Variants in TPRG1 observed in about 807,000 individuals in gnomAD.
The protein encoded by TPRG1 is tumor protein p63 regulated 1.
A neutral mutation model predicts 29.3 loss-of-function variants in TPRG1; 29 were observed. The observed-to-expected ratio is 0.99, with a 90% confidence interval of 0.74 to 1.35. TPRG1 has a LOEUF of 1.35. Ranked by LOEUF, TPRG1 falls within the 40% of genes most tolerant of loss-of-function variation. The probability of loss-of-function intolerance (pLI) is 0.00; values close to 1 mark genes in which losing one functional copy is unlikely to be tolerated. For synonymous variants in TPRG1, 130 were observed against 116.8 expected (o/e 1.11, Z -0.73); for missense variants, 327 against 335.0 (o/e 0.98, Z 0.19).
chr3:189,004,013 C>T (rs1409055684), intron 2 of TPRG1, among the ~76,000 whole-genome samples: 2 of 152,022 alleles, frequency 1.3e-5, no homozygotes, highest in Admixed American at 6.6e-5. Context: ...GAGTAAAACT[C>T]GGTGAAAATA....
At chr3:189,124,967 A>G (rs531226670) in intron 1 of TPRG1, among the ~76,000 whole-genome samples, 24 of 152,354 alleles carry the variant, frequency 1.6e-4, no homozygotes, top group Non-Finnish European at 8.8e-5. Flanking sequence ...AGATCTTGCA[A>G]TGAGATCTTA....
At chr3:189,042,587 T>C (rs849010) in intron 4 of TPRG1, among the ~76,000 whole-genome samples, 137,856 of 151,584 alleles carry the variant, frequency 0.91, 63,017 homozygotes, top group Non-Finnish European at 0.95. Context: ...TGTGTGGATC[T>C]CTGGGCTAGC....
At chr3:189,101,632 T>G (rs1359959355) in intron 1 of TPRG1, among the ~76,000 whole-genome samples, 1 of 152,084 alleles carries the variant, frequency 6.6e-6, no homozygotes, top group Non-Finnish European at 1.5e-5. Flanking sequence ...TTTCAGAAAC[T>G]TCAGGATCTC....
intron 1 of TPRG1, among the ~76,000 whole-genome samples, chr3:189,107,024 T>C (rs1719908305): frequency 6.6e-6 from 1 of 151,950 alleles, no homozygotes; most frequent in Non-Finnish European, 1.5e-5. Context: ...TTGGAAAAAA[T>C]AGCATTTGTT....
intron 5 of TPRG1, among the ~76,000 whole-genome samples, chr3:189,160,402 A>C (rs1002487141): frequency 6.6e-6 from 1 of 152,180 alleles, no homozygotes; most frequent in Non-Finnish European, 1.5e-5. Context: ...CCTCCACTTT[A>C]ATTGGAAGTG....
chr3:189,273,597 C>T (rs1419298772), intron 4 of TPRG1, among the ~76,000 whole-genome samples: 1 of 152,160 alleles, frequency 6.6e-6, no homozygotes, highest in Non-Finnish European at 1.5e-5. Flanking sequence ...GTAGAGAATG[C>T]AAATAGCATC....
intron 4 of TPRG1, among the ~76,000 whole-genome samples, chr3:189,246,119 G>A (rs73061029): frequency 0.079 from 11,966 of 152,094 alleles, 732 homozygotes; most frequent in African/African-American, 0.17. Flanking sequence ...CATGGGGGTA[G>A]ATTTTTCCCA....
chr3:189,077,040 C>T (rs567048572), intron 4 of TPRG1, among the ~76,000 whole-genome samples: 2 of 151,814 alleles, frequency 1.3e-5, no homozygotes, highest in African/African-American at 4.8e-5. Context: ...CATTAAATGC[C>T]AGTGATGATA....
At chr3:189,215,686 A>G (rs73889118) in intron 3 of TPRG1, among the ~76,000 whole-genome samples, 8,343 of 152,068 alleles carry the variant, frequency 0.055, 755 homozygotes, top group African/African-American at 0.19. Flanking sequence ...TCTCATTCTA[A>G]TCTCTTATTT....
At chr3:189,201,300 G>C (rs1247914111) in intron 1 of TPRG1, among the ~76,000 whole-genome samples, 2 of 152,176 alleles carry the variant, frequency 1.3e-5, no homozygotes, top group African/African-American at 4.8e-5. Flanking sequence ...TCATCAAGTA[G>C]CTATTGATAT....
intron 3 of TPRG1, among the ~76,000 whole-genome samples, chr3:189,222,633 C>T (rs73184449): frequency 0.078 from 11,878 of 152,194 alleles, 580 homozygotes; most frequent in East Asian, 0.17. Context: ...TCCTTATGCA[C>T]ATTAAAATTT....
At chr3:189,038,408 A>G (rs1714419470) in intron 4 of TPRG1, among the ~76,000 whole-genome samples, 1 of 152,146 alleles carries the variant, frequency 6.6e-6, no homozygotes, top group South Asian at 2.1e-4. Flanking sequence ...GAGGAAAGAT[A>G]GGCTTTTTAA....
intron 4 of TPRG1, among the ~76,000 whole-genome samples, chr3:189,087,990 G>A (rs1416031492): frequency 1.3e-5 from 2 of 151,030 alleles, no homozygotes; most frequent in Non-Finnish European, 2.9e-5. Flanking sequence ...GGCAATGCGG[G>A]ATTTTTTTGG....
chr3:189,022,726 C>T (rs1713404737), intron 3 of TPRG1, among the ~76,000 whole-genome samples: 1 of 152,250 alleles, frequency 6.6e-6, no homozygotes, highest in Non-Finnish European at 1.5e-5. Flanking sequence ...AAGAGGCAGG[C>T]AGGCCTCCTT....
At chr3:189,292,845 T>G (rs1255180367) in intron 4 of TPRG1, among the ~76,000 whole-genome samples, 2 of 152,180 alleles carry the variant, frequency 1.3e-5, no homozygotes, top group Non-Finnish European at 2.9e-5. Flanking sequence ...GCTGGCCAGA[T>G]TATCCCACAA....
intron 3 of TPRG1, among the ~76,000 whole-genome samples, chr3:189,229,462 A>G (rs1206942953): frequency 6.6e-6 from 1 of 152,230 alleles, no homozygotes; most frequent in East Asian, 1.9e-4. Flanking sequence ...TAAAGAAATG[A>G]TCTGGATGAA....
At chr3:189,301,682 G>A (rs578126101) in intron 4 of TPRG1, among the ~76,000 whole-genome samples, 1 of 152,242 alleles carries the variant, frequency 6.6e-6, no homozygotes, top group East Asian at 1.9e-4. Context: ...CTGACAGATA[G>A]CAAGGCCCAG....
intron 1 of TPRG1, among the ~76,000 whole-genome samples, chr3:189,000,621 T>C (rs923051745): frequency 5.3e-5 from 8 of 152,184 alleles, no homozygotes; most frequent in African/African-American, 2.4e-5. Context: ...GTGGCTCTGT[T>C]TTTGAGTTTT....
At chr3:189,249,980 A>C (rs1741908955) in intron 4 of TPRG1, among the ~76,000 whole-genome samples, 1 of 152,142 alleles carries the variant, frequency 6.6e-6, no homozygotes, top group African/African-American at 2.4e-5. Flanking sequence ...AAAAATTTGC[A>C]TATTTGTATC....
Sources: allele counts gnomAD v4.1 joint callset (sites outside exome capture counted in the v4.1 genomes callset), GRCh38; gene constraint gnomAD v4.1.1; transcripts MANE v1.5; gene names NCBI Gene and HGNC (gene_info 2026-07-23, HGNC 2026-07-21).